UNC5C: variants seen among roughly 807,000 people sequenced by gnomAD.
The protein encoded by UNC5C is netrin receptor UNC5C.
In UNC5C, 47 loss-of-function variants were observed where a neutral mutation model predicts 99.8. That is an observed-to-expected ratio of 0.47 (90% confidence interval 0.37 to 0.60). UNC5C has a LOEUF of 0.60. Ranked by LOEUF, UNC5C falls within the 20% of genes least tolerant of loss-of-function variation. UNC5C has a pLI of 0.00. For synonymous variants in UNC5C, 487 were observed against 452.2 expected, an observed-to-expected ratio of 1.08 and a Z score of -0.98; for missense variants, 1,062 against 1,165.9, an observed-to-expected ratio of 0.91 and a Z score of 1.30.
chr4:95,251,640 C>A (rs1579268381), intron 4 of UNC5C, among the ~76,000 whole-genome samples: 1 of 152,172 alleles, frequency 6.6e-6, no homozygotes, highest in South Asian at 2.1e-4. Flanking sequence ...ATTTACCACA[C>A]TTAAACTCTC....
chr4:95,473,456 T>C (rs1560846653), intron 1 of UNC5C, among the ~76,000 whole-genome samples: 1 of 152,176 alleles, frequency 6.6e-6, no homozygotes, highest in Non-Finnish European at 1.5e-5. Flanking sequence ...CAATGTGTTG[T>C]ATCCTTTTCT....
chr4:95,384,140 T>A (rs1745146182), intron 1 of UNC5C, among the ~76,000 whole-genome samples: 1 of 152,180 alleles, frequency 6.6e-6, no homozygotes, highest in African/African-American at 2.4e-5. Context: ...AATATTTCAT[T>A]ATGTACAGAT....
intron 14 of UNC5C, among the ~76,000 whole-genome samples, chr4:95,177,477 G>T (rs1029405994): frequency 6.6e-6 from 1 of 152,196 alleles, no homozygotes; most frequent in Non-Finnish European, 1.5e-5. Context: ...CACTGCAGGC[G>T]GTGAGGTTGC....
chr4:95,349,995 AAG>A (rs1743927468), intron 1 of UNC5C, among the ~76,000 whole-genome samples: 2 of 152,164 alleles, frequency 1.3e-5, no homozygotes. Context: ...TACTTATAAA[AAG>A]AAATCATGAA....
At chr4:95,272,746 T>C (rs1032187782) in intron 4 of UNC5C, among the ~76,000 whole-genome samples, 1 of 152,180 alleles carries the variant, frequency 6.6e-6, no homozygotes, top group African/African-American at 2.4e-5. Flanking sequence ...AAAATTCCAA[T>C]GGGTAATTAC....
At chr4:95,243,814 A>G (rs775568305) in intron 6 of UNC5C, among the ~76,000 whole-genome samples, 1 of 152,176 alleles carries the variant, frequency 6.6e-6, no homozygotes, top group Non-Finnish European at 1.5e-5. Flanking sequence ...ACCTGCACCA[A>G]TCCAGTGTAC....
Position 95,494,989 on chromosome 4 carries a change from T to C in UNC5C, c.124+53745A>G, listed in dbSNP as rs1346928636. Among the ~76,000 whole-genome samples the C allele has an allele frequency of 2.6e-5, 4 of 151,632 alleles. No homozygotes were observed. In the East Asian group the frequency reaches 5.8e-4, roughly 22 times the overall value. On this transcript the variant is annotated intron_variant, in intron 1 of 15. Transcript: ENST00000453304. ...TGGAAGTAGGATTTATTTCTCCAAATGTAACCAAAGTGATACAGTTATATA... is the reference window on the plus strand; with the variant it reads ...TGGAAGTAGGATTTATTTCTCCAAACGTAACCAAAGTGATACAGTTATATA...
At chr4:95,269,063 T>C (rs1259773768) in intron 4 of UNC5C, among the ~76,000 whole-genome samples, 1 of 152,138 alleles carries the variant, frequency 6.6e-6, no homozygotes, top group East Asian at 1.9e-4. Context: ...AAATCTGACG[T>C]TTTTGTGTAT....
chr4:95,236,967 A>G (rs1739143594), intron 7 of UNC5C, among the ~76,000 whole-genome samples: 1 of 152,176 alleles, frequency 6.6e-6, no homozygotes, highest in Non-Finnish European at 1.5e-5. Flanking sequence ...CATCGACACC[A>G]AAATCAGAGA....
intron 1 of UNC5C, among the ~76,000 whole-genome samples, chr4:95,499,363 C>T (rs929594160): frequency 6.6e-6 from 1 of 152,100 alleles, no homozygotes; most frequent in Non-Finnish European, 1.5e-5. Context: ...TGGAGCAATG[C>T]TGGATGTGGC....
chr4:95,218,209 G>A (rs913644385), intron 9 of UNC5C, among the ~76,000 whole-genome samples: 5 of 152,182 alleles, frequency 3.3e-5, no homozygotes, highest in Non-Finnish European at 7.4e-5. Context: ...TAGATTTAGA[G>A]AGGAAGCCAT....
chr4:95,263,715 A>T (rs1214362814), intron 4 of UNC5C, among the ~76,000 whole-genome samples: 3 of 152,168 alleles, frequency 2.0e-5, no homozygotes. Context: ...TTATTTTTCT[A>T]CTTCTACAAC....
At chr4:95,171,688 G>A (rs567156289) in intron 14 of UNC5C, among the ~76,000 whole-genome samples, 10 of 151,742 alleles carry the variant, frequency 6.6e-5, no homozygotes, top group South Asian at 4.2e-4. Context: ...GAATAGTGCC[G>A]CAGTAAACAT....
chr4:95,177,070 C>G (rs886526757), intron 14 of UNC5C, among the ~76,000 whole-genome samples: 6 of 152,200 alleles, frequency 3.9e-5, no homozygotes, highest in African/African-American at 1.4e-4. Flanking sequence ...TTGCACTTCC[C>G]GAGTGAGGCA....
chr4:95,370,892 G>A (rs542877729), intron 1 of UNC5C, among the ~76,000 whole-genome samples: 1 of 152,154 alleles, frequency 6.6e-6, no homozygotes, highest in African/African-American at 2.4e-5. Flanking sequence ...GTGGTCATTC[G>A]TTTTTCTAAT....
chr4:95,324,901 G>A (rs1184778745), intron 2 of UNC5C, among the ~76,000 whole-genome samples: 2 of 152,198 alleles, frequency 1.3e-5, no homozygotes, highest in East Asian at 3.9e-4. Context: ...TACCCAGGCT[G>A]TGGTATTTTG....
rs981034836 is a variant in UNC5C at position 95,548,753 on chromosome 4, G to A, written c.105C>T (p.Gly35=). The change falls in exon 1 of 16, where the codon GGC becomes GGT. Residue 35 remains glycine (G), a synonymous_variant. Transcript: ENST00000453304. ...LPALALLSAS[G]TGSAAQDDDF... ...CCTTACCTTGGGCGGCGGAGCCAGT[G>A]CCGCTGGCGCTGAGCAGGGCCAGGG... The A allele has an allele frequency of 1.9e-6, 3 of 1,612,840 alleles. No homozygotes were observed. Among genetic ancestry groups the A allele is most frequent in the African/African-American group, 1.3e-5 (1 of 74,876 alleles).
intron 1 of UNC5C, among the ~76,000 whole-genome samples, chr4:95,367,802 T>C (rs1221603846): frequency 6.6e-6 from 1 of 152,222 alleles, no homozygotes; most frequent in Non-Finnish European, 1.5e-5. Flanking sequence ...ATCAATTATA[T>C]TACCTACCAT....
intron 1 of UNC5C, among the ~76,000 whole-genome samples, chr4:95,337,850 T>C (rs1454292176): frequency 6.6e-6 from 1 of 151,968 alleles, no homozygotes; most frequent in Non-Finnish European, 1.5e-5. Flanking sequence ...ATCATTATAG[T>C]TTCTGCAGAA....
Sources: allele counts gnomAD v4.1 joint callset (sites outside exome capture counted in the v4.1 genomes callset), GRCh38; gene constraint gnomAD v4.1.1; transcripts MANE v1.5; gene names NCBI Gene and HGNC (gene_info 2026-07-23, HGNC 2026-07-21).